PCDHA11: variants seen among roughly 807,000 people sequenced by gnomAD.
PCDHA11 encodes protocadherin alpha-11.
Under a neutral mutation model 70.3 loss-of-function variants are expected in PCDHA11, and 61 were observed. The observed-to-expected ratio is 0.87, with a 90% CI of 0.71 to 1.07. The LOEUF is 1.07. Among genes scored for constraint, PCDHA11 ranks in the 50% least tolerant of loss-of-function variants. The pLI is 0.00. For synonymous variants in PCDHA11, 633 were observed against 555.1 expected, an observed-to-expected ratio of 1.14 and a Z score of -1.97; for missense variants, 1,324 against 1,237.5, an observed-to-expected ratio of 1.07 and a Z score of -1.05.
At chr5:140,886,596 G>C (rs1359025262) in intron 1 of PCDHA11, among the ~76,000 whole-genome samples, 1 of 152,008 alleles carries the variant, frequency 6.6e-6, no homozygotes, top group East Asian at 1.9e-4. Context: ...GGGAGGCCAA[G>C]GTGGGCGGAT....
chr5:140,967,503 G>C (rs369053625), intron 1 of PCDHA11: 1 of 1,612,938 alleles, frequency 6.2e-7, no homozygotes, highest in Non-Finnish European at 8.5e-7. Context: ...ATCTCTGTGC[G>C]TGTCCTGGAC....
chr5:140,897,340 C>T, intron 1 of PCDHA11, among the ~76,000 whole-genome samples: 1 of 122,942 alleles, frequency 8.1e-6, no homozygotes, highest in Non-Finnish European at 1.6e-5. Context: ...CCCCTCCCCC[C>T]ACCCCACAAC....
intron 1 of PCDHA11, among the ~76,000 whole-genome samples, chr5:140,901,810 T>C (rs2068911855): frequency 6.6e-6 from 1 of 152,336 alleles, no homozygotes; most frequent in African/African-American, 2.4e-5. Flanking sequence ...ATTTTTACAA[T>C]ATTGATTCTT....
chr5:140,891,712 C>T (rs2063219356), intron 1 of PCDHA11, among the ~76,000 whole-genome samples: 1 of 152,148 alleles, frequency 6.6e-6, no homozygotes, highest in Non-Finnish European at 1.5e-5. Context: ...TTTGTACCCC[C>T]AAATTCATGT....
chr5:140,983,801 T>G (rs1386165689), intron 3 of PCDHA11, among the ~76,000 whole-genome samples: 1 of 152,214 alleles, frequency 6.6e-6, no homozygotes, highest in Non-Finnish European at 1.5e-5. Context: ...AATGTGTGTG[T>G]AAAAGGTTTT....
chr5:140,978,188 C>A (rs1480380395), intron 1 of PCDHA11, among the ~76,000 whole-genome samples: 2 of 152,176 alleles, frequency 1.3e-5, no homozygotes, highest in Non-Finnish European at 2.9e-5. Context: ...GGCAACAGAT[C>A]TTTTCAATAC....
At chr5:140,985,832 C>T (rs760290757) in intron 3 of PCDHA11, among the ~76,000 whole-genome samples, 4 of 151,378 alleles carry the variant, frequency 2.6e-5, no homozygotes, top group African/African-American at 4.9e-5. Flanking sequence ...CTCTGCCTCC[C>T]GGGTTCATGC....
chr5:140,875,349 C>T lies in PCDHA11; in HGVS notation c.2391+3855C>T, dbSNP rs113418307. The T allele has an allele frequency of 9.7e-4, 1,402 of 1,444,894 alleles. 9 individuals carry two copies. In the African/African-American group the frequency reaches 0.018, roughly 18 times the overall value. 89.5% of individuals were successfully genotyped at this position (1,444,894 alleles called of 1,614,324 possible). A position where few individuals can be genotyped will look rare whatever the true frequency, so the allele number is the denominator to read the frequency against. ...CGGAATAGGATCGACTCCATAATGA[C>T]TGTGATGCTGGAAAAAATTTACTAA... On this transcript the variant is annotated intron_variant, in intron 1 of 3. Coordinates refer to ENST00000398640, the MANE Select transcript of PCDHA11 (RefSeq NM_018902.5).
rs782241816 is a variant in PCDHA11, at chr5:140,870,864, C to A, written c.1761C>A (p.Gly587=). The A allele has an allele frequency of 5.6e-6, 9 of 1,613,934 alleles. No individual in the cohort carries two copies. Among genetic ancestry groups the A allele is most frequent in the Non-Finnish European group, 7.6e-6 (9 of 1,179,908 alleles). Residue 587 remains glycine, a synonymous_variant, in exon 1 of 4, where the codon GGC becomes GGA. Transcript: ENST00000398640. Reference sequence around the variant, plus strand: ...TAGTACCGCGGTCGGTGGGTGCGGGCCACGTGGTGGCGAAGGTGCGCGCAG... The same window carrying A: ...TAGTACCGCGGTCGGTGGGTGCGGGACACGTGGTGGCGAAGGTGCGCGCAG... ...NKLVPRSVGA[G]HVVAKVRAVD... is the part of the protein sequence containing the mutation.
intron 2 of PCDHA11, 58 bp from the exon 3 acceptor site, chr5:140,982,417 G>T: frequency 1.2e-6 from 2 of 1,610,546 alleles, no homozygotes; most frequent in Non-Finnish European, 1.7e-6. Flanking sequence ...GAGGGTGGAA[G>T]AAGAGATGGG....
intron 1 of PCDHA11, among the ~76,000 whole-genome samples, chr5:140,965,427 G>A (rs1336088571): frequency 6.6e-6 from 1 of 152,104 alleles, no homozygotes; most frequent in Non-Finnish European, 1.5e-5. Flanking sequence ...AAGATAAGCT[G>A]CAGTCATTGA....
At chr5:140,888,234 G>A (rs1554183382) in intron 1 of PCDHA11, among the ~76,000 whole-genome samples, 2 of 152,250 alleles carry the variant, frequency 1.3e-5, no homozygotes, top group East Asian at 1.9e-4. Flanking sequence ...ATGTGTGTGC[G>A]TGTTCCTTTA....
At chr5:140,925,217 G>T (rs1217593393) in intron 1 of PCDHA11, among the ~76,000 whole-genome samples, 1 of 152,154 alleles carries the variant, frequency 6.6e-6, no homozygotes, top group Non-Finnish European at 1.5e-5. Flanking sequence ...ATACTTTTAG[G>T]CAGGTTTCTA....
At chr5:140,942,679 G>T (rs549826522) in intron 1 of PCDHA11, among the ~76,000 whole-genome samples, 8 of 151,904 alleles carry the variant, frequency 5.3e-5, no homozygotes, top group Non-Finnish European at 8.8e-5. Flanking sequence ...AAAGTTTTAG[G>T]AATAACTTTA....
chr5:140,905,120 G>T (rs1191513318), intron 1 of PCDHA11, among the ~76,000 whole-genome samples: 3 of 152,214 alleles, frequency 2.0e-5, no homozygotes, highest in African/African-American at 7.2e-5. Flanking sequence ...CTAAGCCAAT[G>T]TCTAGAAGAG....
At chr5:140,913,810 T>C (rs2076475017) in intron 1 of PCDHA11, among the ~76,000 whole-genome samples, 1 of 152,224 alleles carries the variant, frequency 6.6e-6, no homozygotes, top group South Asian at 2.1e-4. Context: ...AAATTTTCAA[T>C]TTCCTTTTAA....
chr5:140,922,560 G>A (rs2080886484), intron 1 of PCDHA11, among the ~76,000 whole-genome samples: 4 of 152,146 alleles, frequency 2.6e-5, no homozygotes, highest in Admixed American at 2.6e-4. Flanking sequence ...GAAAAGTCAG[G>A]ATGACAAGTT....
At chr5:140,969,919 T>C (rs773906362) in intron 1 of PCDHA11, among the ~76,000 whole-genome samples, 1 of 152,198 alleles carries the variant, frequency 6.6e-6, no homozygotes, top group South Asian at 2.1e-4. Flanking sequence ...GATAAAGCTG[T>C]AGTATTTAGA....
In PCDHA11 at chr5:141,010,203, C is replaced by T; in HGVS notation, c.*266C>T. ...AGACCCAAGTTTCCTTTCTCCTCCG[C>T]CGCAAAGGAGAGGCTTCCCAGCCCC... On this transcript the variant is annotated 3_prime_UTR_variant, in exon 4 of 4. Coordinates refer to ENST00000398640, the MANE Select transcript of PCDHA11 (RefSeq NM_018902.5). The T allele has an allele frequency of 1.3e-6, 2 of 1,552,032 alleles. No homozygotes were observed. Among genetic ancestry groups the T allele is most frequent in the Non-Finnish European group, 1.7e-6 (2 of 1,147,066 alleles).
Sources: allele counts gnomAD v4.1 joint callset (sites outside exome capture counted in the v4.1 genomes callset), GRCh38; gene constraint gnomAD v4.1.1; transcripts MANE v1.5; gene names NCBI Gene and HGNC (gene_info 2026-07-23, HGNC 2026-07-21).